Variants in PHF21A observed in about 807,000 individuals in gnomAD.
The protein encoded by PHF21A is PHD finger protein 21A, also known as BHC80a.
PHF21A carries 11 observed loss-of-function variants against 82.5 expected under a neutral mutation model. The observed-to-expected ratio is 0.13, with a 90% CI of 0.08 to 0.22. The LOEUF (loss-of-function observed/expected upper bound fraction) is 0.22. PHF21A is among the 10% of genes least tolerant of loss of function. PHF21A has a pLI of 1.00. For missense variants in PHF21A, 579 were observed against 837.8 expected, an observed-to-expected ratio of 0.69 and a Z score of 3.81; for synonymous variants, 297 against 302.8, an observed-to-expected ratio of 0.98 and a Z score of 0.20.
At chr11:46,109,649 G>C (rs2097189247) in intron 1 of PHF21A, among the ~76,000 whole-genome samples, 2 of 151,948 alleles carry the variant, frequency 1.3e-5, no homozygotes, top group African/African-American at 4.8e-5. Context: ...ATACTGTTAA[G>C]AACTACACCA....
chr11:46,013,976 T>A (rs954709969), intron 6 of PHF21A, among the ~76,000 whole-genome samples: 2 of 152,210 alleles, frequency 1.3e-5, no homozygotes, highest in Non-Finnish European at 2.9e-5. Flanking sequence ...ATACTTAGGC[T>A]ACGCTAATTT....
At chr11:45,944,862 G>A (rs1313550621) in intron 15 of PHF21A, among the ~76,000 whole-genome samples, 1 of 152,236 alleles carries the variant, frequency 6.6e-6, no homozygotes, top group African/African-American at 2.4e-5. Context: ...CGCCTCCTGG[G>A]TTCCAGGGAT....
At chr11:45,976,366 G>A (rs1224897068) in intron 7 of PHF21A, among the ~76,000 whole-genome samples, 1 of 152,078 alleles carries the variant, frequency 6.6e-6, no homozygotes, top group African/African-American at 2.4e-5. Flanking sequence ...CTTGAAAATA[G>A]AAACTCTCTG....
Position 46,048,425 on chromosome 11 carries a change from G to A in PHF21A, c.153+28329C>T, listed in dbSNP as rs2096289696. 2.0e-5 allele frequency among the ~76,000 whole-genome samples: 3 copies of A among 152,074 alleles called. 1 individual carries two copies. The South Asian group carries it at 6.2e-4, about 31-fold the overall frequency. Reference sequence around the variant, plus strand: ...TTAACTATCCATCAGTTTATGGGTTGTTTCCACTTTTTAGGTACCATGAAT... The same window carrying A: ...TTAACTATCCATCAGTTTATGGGTTATTTCCACTTTTTAGGTACCATGAAT... On this transcript the variant is annotated intron_variant, in intron 6 of 18. Coordinates refer to ENST00000676320, the MANE Select transcript of PHF21A (RefSeq NM_001352027.3).
intron 6 of PHF21A, among the ~76,000 whole-genome samples, chr11:46,039,688 C>T (rs1013017608): frequency 5.3e-5 from 8 of 152,140 alleles, no homozygotes; most frequent in Non-Finnish European, 8.8e-5. Context: ...TATTGCACTC[C>T]ACCCTTCTCA....
intron 1 of PHF21A, among the ~76,000 whole-genome samples, chr11:46,110,682 GT>G (rs2097201756): frequency 6.6e-6 from 1 of 152,042 alleles, no homozygotes; most frequent in Non-Finnish European, 1.5e-5. Flanking sequence ...ACAAATTGAT[GT>G]CATATAAATA....
At chr11:46,036,812 A>G (rs1368429008) in intron 6 of PHF21A, among the ~76,000 whole-genome samples, 1 of 152,178 alleles carries the variant, frequency 6.6e-6, no homozygotes, top group Non-Finnish European at 1.5e-5. Context: ...CTAGGTAGAT[A>G]ATCAGGTCAT....
intron 15 of PHF21A, among the ~76,000 whole-genome samples, chr11:45,941,576 T>C (rs1040320354): frequency 6.6e-6 from 1 of 152,212 alleles, no homozygotes; most frequent in African/African-American, 2.4e-5. Flanking sequence ...ACTCCCAGAC[T>C]ACACTTTGAG....
chr11:46,109,968 A>C (rs2097193481), intron 1 of PHF21A, among the ~76,000 whole-genome samples: 1 of 151,476 alleles, frequency 6.6e-6, no homozygotes, highest in South Asian at 2.1e-4. Context: ...GCAACAGGGC[A>C]AGACTCCGTG....
chr11:45,933,904 A>G lies in PHF21A; in HGVS notation c.*64T>C, dbSNP rs1185069161. 1.4e-6 allele frequency: 2 copies of G among 1,420,442 alleles called. No homozygotes were observed. The highest frequency in any genetic ancestry group is 1.9e-6 in the Non-Finnish European group (2 of 1,064,286). The allele number at this position is 1,420,442 out of a possible 1,614,324, so 88.0% of individuals were successfully genotyped here. ...TCCAGAAATCCGGCTTTGCTTTTCT[A>G]GAGTCTTCAGTGTTCTGTTCTCCTT... On this transcript the variant is annotated 3_prime_UTR_variant, in exon 19 of 19. Coordinates refer to ENST00000676320, the MANE Select transcript of PHF21A (RefSeq NM_001352027.3).
intron 16 of PHF21A, 169 bp from the exon 17 acceptor site, chr11:45,936,738 A>G (rs1453103868): frequency 3.4e-6 from 2 of 594,734 alleles, no homozygotes; most frequent in Non-Finnish European, 5.9e-6. Flanking sequence ...AAAGTTCCAA[A>G]TATCAGCTTA....
At chr11:46,003,240 A>G (rs1242410499) in intron 6 of PHF21A, among the ~76,000 whole-genome samples, 1 of 151,716 alleles carries the variant, frequency 6.6e-6, no homozygotes, top group African/African-American at 2.4e-5. Flanking sequence ...AACTTTGTGC[A>G]TATAGTGTAT....
chr11:46,088,012 C>T (rs2096876774), intron 3 of PHF21A, among the ~76,000 whole-genome samples: 1 of 152,160 alleles, frequency 6.6e-6, no homozygotes, highest in Non-Finnish European at 1.5e-5. Flanking sequence ...CCACCTTCAG[C>T]CTCCCAAAGT....
chr11:46,014,265 T>C lies in PHF21A; in HGVS notation c.154-34299A>G, dbSNP rs548484554. ...CACTTATAAATGAGAACATATAATA[T>C]TCAGTTTTCTGTTTCTGCATTAATT... On this transcript the variant is annotated intron_variant, in intron 6 of 18. Coordinates refer to ENST00000676320, the MANE Select transcript of PHF21A (RefSeq NM_001352027.3). Among the ~76,000 whole-genome samples, 401 of 152,320 alleles carry C rather than the reference T, an allele frequency of 2.6e-3. 1 individual carries two copies. The highest frequency in any genetic ancestry group is 4.1e-3 in the Non-Finnish European group (276 of 68,030).
At chr11:46,062,880 T>C (rs2096552721) in intron 6 of PHF21A, among the ~76,000 whole-genome samples, 1 of 152,202 alleles carries the variant, frequency 6.6e-6, no homozygotes, top group Non-Finnish European at 1.5e-5. Context: ...TTCAAATTAA[T>C]GTTATTTGTA....
intron 6 of PHF21A, among the ~76,000 whole-genome samples, chr11:46,041,155 T>G (rs1261723159): frequency 4.6e-5 from 7 of 152,178 alleles, no homozygotes; most frequent in African/African-American, 7.2e-5. Context: ...TCTTTCCCCA[T>G]AGCCCACCAC....
At chr11:45,953,930 T>C (rs542305860) in intron 10 of PHF21A, among the ~76,000 whole-genome samples, 4 of 152,318 alleles carry the variant, frequency 2.6e-5, no homozygotes, top group Admixed American at 2.6e-4. Context: ...GTACAGGTTG[T>C]CCTTTCTGAT....
chr11:46,003,516 G>A (rs2095211150), intron 6 of PHF21A, among the ~76,000 whole-genome samples: 1 of 152,074 alleles, frequency 6.6e-6, no homozygotes, highest in African/African-American at 2.4e-5. Flanking sequence ...TGATGAACTT[G>A]ATTTTTAAAA....
chr11:46,054,025 C>T (rs375291032), intron 6 of PHF21A, among the ~76,000 whole-genome samples: 2 of 152,110 alleles, frequency 1.3e-5, no homozygotes, highest in South Asian at 4.1e-4. Context: ...CAAGCTTTTT[C>T]ACAAGCAACG....
Sources: allele counts gnomAD v4.1 joint callset (sites outside exome capture counted in the v4.1 genomes callset), GRCh38; gene constraint gnomAD v4.1.1; transcripts MANE v1.5; gene names NCBI Gene and HGNC (gene_info 2026-07-23, HGNC 2026-07-21).